The following MUC7 variants were observed in gnomAD, a reference collection of about 807,000 sequenced individuals.
The protein encoded by MUC7 is mucin-7.
Under a neutral mutation model 2.5 loss-of-function variants are expected in MUC7, and 2 were observed. The ratio of observed to expected loss-of-function variants is 0.81; its 90% CI spans 0.33 to 2.55. The LOEUF is 2.55. Among genes scored for constraint, MUC7 ranks in the 30% most tolerant of loss-of-function variants. The probability of loss-of-function intolerance (pLI) is 0.11; values close to 1 mark genes in which losing one functional copy is unlikely to be tolerated. For synonymous variants in MUC7, 133 were observed against 173.4 expected, an observed-to-expected ratio of 0.77 and a Z score of 1.83; for missense variants, 408 against 455.6, an observed-to-expected ratio of 0.90 and a Z score of 0.95.
intron 1 of MUC7, among the ~76,000 whole-genome samples, chr4:70,435,078 G>A (rs1292309800): frequency 2.6e-5 from 4 of 152,130 alleles, no homozygotes; most frequent in Non-Finnish European, 1.5e-5. Context: ...GAGACAGTTT[G>A]TTGTGATTTC....
chr4:70,449,777 T>G (rs1327789199), intron 1 of MUC7, among the ~76,000 whole-genome samples: 4 of 152,214 alleles, frequency 2.6e-5, no homozygotes, highest in Non-Finnish European at 5.9e-5. Context: ...TCTTGTTCTC[T>G]TCTCTTACAT....
At position 70,481,904 on chromosome 4, in the gene MUC7, G is replaced by T; in HGVS notation, c.*26G>T. On this transcript the variant is annotated 3_prime_UTR_variant, in exon 3 of 3. Coordinates refer to ENST00000304887, the MANE Select transcript of MUC7 (RefSeq NM_152291.3). ...TATATTGTATGTTGTAAAGTGTTCT[G>T]TCATTTACAAGATGTGATTCATGAG... 9 of 1,597,068 alleles carry T rather than the reference G, an allele frequency of 5.6e-6. No homozygotes were observed. The highest frequency in any genetic ancestry group is 7.7e-6 in the Non-Finnish European group (9 of 1,171,410).
intron 1 of MUC7, among the ~76,000 whole-genome samples, chr4:70,455,602 G>A (rs939111268): frequency 6.6e-6 from 1 of 152,002 alleles, no homozygotes; most frequent in Admixed American, 6.6e-5. Flanking sequence ...GTATCAAAAC[G>A]TGTAACAAGA....
At chr4:70,431,153 G>A (rs1164911641) in intron 1 of MUC7, among the ~76,000 whole-genome samples, 1 of 152,022 alleles carries the variant, frequency 6.6e-6, no homozygotes, top group African/African-American at 2.4e-5. Flanking sequence ...TGATCTCCAG[G>A]GGGAAAAACA....
chr4:70,462,574 C>A (rs1734583543), intron 1 of MUC7, among the ~76,000 whole-genome samples: 1 of 152,142 alleles, frequency 6.6e-6, no homozygotes, highest in South Asian at 2.1e-4. Flanking sequence ...GCAGATAAAA[C>A]AGTTCATAGT....
intron 1 of MUC7, among the ~76,000 whole-genome samples, chr4:70,442,315 G>A (rs1178553189): frequency 6.6e-6 from 1 of 152,144 alleles, no homozygotes; most frequent in Non-Finnish European, 1.5e-5. Flanking sequence ...AAAAAAAAGT[G>A]CATTTAGGAT....
chr4:70,475,454 G>T (rs900873986), intron 2 of MUC7, among the ~76,000 whole-genome samples: 1 of 152,084 alleles, frequency 6.6e-6, no homozygotes, highest in African/African-American at 2.4e-5. Flanking sequence ...TTGAAGCCAT[G>T]AAACCTTACA....
At chr4:70,457,401 C>T (rs1283682237) in intron 1 of MUC7, among the ~76,000 whole-genome samples, 1 of 152,050 alleles carries the variant, frequency 6.6e-6, no homozygotes, top group Non-Finnish European at 1.5e-5. Flanking sequence ...CTGATTATGC[C>T]ACAGCACTCT....
At chr4:70,466,493 G>A (rs574311575) in intron 1 of MUC7, among the ~76,000 whole-genome samples, 3 of 152,134 alleles carry the variant, frequency 2.0e-5, no homozygotes, top group Admixed American at 6.5e-5. Context: ...AGACCCATCA[G>A]TGTGCTATAT....
chr4:70,474,444 G>A lies in MUC7; in HGVS notation c.54+369G>A, dbSNP rs190016162. On this transcript the variant is annotated intron_variant, in intron 2 of 2. Coordinates refer to ENST00000304887, the MANE Select transcript of MUC7 (RefSeq NM_152291.3). ...TGAGGTTGGGATCTTAAGCCTGGGA[G>A]GTCAAGGCTGCAGCAAGCCGTAATC... Among the ~76,000 whole-genome samples the A allele has an allele frequency of 1.1e-3, 166 of 152,228 alleles. 3 individuals carry two copies. Among genetic ancestry groups the A allele is most frequent in the African/African-American group, 3.7e-3 (153 of 41,538 alleles).
upstream of MUC7, among the ~76,000 whole-genome samples, chr4:70,467,437 C>CA (rs960491307): frequency 4.6e-5 from 7 of 151,998 alleles, no homozygotes; most frequent in African/African-American, 9.6e-5. Flanking sequence ...CATAGAGACA[C>CA]AAAAAAACCC....
chr4:70,481,836 G>A lies in MUC7; in HGVS notation c.1092G>A (p.Lys364=). 1 of 1,613,978 alleles carries A rather than the reference G, an allele frequency of 6.2e-7. No homozygotes were observed. Among genetic ancestry groups the A allele is most frequent in the Non-Finnish European group, 8.5e-7 (1 of 1,179,948 alleles). ...TTTCTCGATTTCTTTTATATATGAA[G>A]AATCTACTAAACAGAATTATTGACG... is the stretch of plus-strand genomic sequence containing the variant. ...NKISRFLLYM[K]NLLNRIIDDM... Residue 364 remains lysine (K), a synonymous_variant, in exon 3 of 3, where the codon AAG becomes AAA. Transcript: ENST00000304887.
In MUC7 at chr4:70,481,499, C is replaced by T. The variant is rs760996534; in HGVS notation, c.755C>T (p.Ser252Leu). The T allele has an allele frequency of 4.4e-6, 7 of 1,604,500 alleles. No individual in the cohort carries two copies. Among genetic ancestry groups the T allele is most frequent in the Admixed American group, 1.7e-5 (1 of 59,404 alleles). Residue 252 changes from serine to leucine, a missense_variant, in exon 3 of 3, where the codon TCA becomes TTA. Ser to Leu is a moderately radical substitution (Grantham distance 145). Transcript: ENST00000304887. ...SATTPAPLSS[S>L]APPETTAVPP... Reference sequence around the variant, plus strand: ...ACTACACCAGCTCCACTATCTTCCTCAGCTCCACCAGAGACCACAGCTGTC... The same window carrying T: ...ACTACACCAGCTCCACTATCTTCCTTAGCTCCACCAGAGACCACAGCTGTC...
At chr4:70,475,124 C>G (rs1043379781) in intron 2 of MUC7, among the ~76,000 whole-genome samples, 2 of 151,896 alleles carry the variant, frequency 1.3e-5, no homozygotes, top group African/African-American at 4.8e-5. Flanking sequence ...ATTAAAAATA[C>G]AAAAATTAGC....
chr4:70,431,457 T>G (rs1349755210), intron 1 of MUC7, among the ~76,000 whole-genome samples: 1 of 152,072 alleles, frequency 6.6e-6, no homozygotes, highest in Non-Finnish European at 1.5e-5. Flanking sequence ...TTTAAGAGCA[T>G]ATGATTTTCA....
chr4:70,444,953 G>C (rs1483545834), intron 1 of MUC7, among the ~76,000 whole-genome samples: 2 of 152,186 alleles, frequency 1.3e-5, no homozygotes, highest in African/African-American at 4.8e-5. Flanking sequence ...TTGGGAGGCT[G>C]AGGCAAGAGA....
At chr4:70,441,822 C>T (rs539669180) in intron 1 of MUC7, among the ~76,000 whole-genome samples, 11 of 152,270 alleles carry the variant, frequency 7.2e-5, no homozygotes, top group African/African-American at 2.6e-4. Context: ...TCCTTTAGGC[C>T]TACCATCCAT....
intron 1 of MUC7, among the ~76,000 whole-genome samples, chr4:70,450,902 C>G (rs950085276): frequency 6.6e-6 from 1 of 152,140 alleles, no homozygotes; most frequent in African/African-American, 2.4e-5. Context: ...ATGAGATATG[C>G]AGCCTGGAGA....
chr4:70,437,172 G>A (rs1382150112), intron 1 of MUC7, among the ~76,000 whole-genome samples: 1 of 152,178 alleles, frequency 6.6e-6, no homozygotes, highest in Non-Finnish European at 1.5e-5. Context: ...ACCCACTTGA[G>A]GAGGCAGTCT....
Sources: allele counts gnomAD v4.1 joint callset (sites outside exome capture counted in the v4.1 genomes callset), GRCh38; gene constraint gnomAD v4.1.1; transcripts MANE v1.5; gene names NCBI Gene and HGNC (gene_info 2026-07-23, HGNC 2026-07-21).